KIF13A: variants seen among roughly 807,000 people sequenced by gnomAD.
The protein encoded by KIF13A is kinesin family member 13A.
Under a neutral mutation model 212.2 loss-of-function variants are expected in KIF13A, and 79 were observed. The ratio of observed to expected loss-of-function variants is 0.37; its 90% CI spans 0.31 to 0.45. The LOEUF (loss-of-function observed/expected upper bound fraction) is 0.45. KIF13A is among the 20% of genes least tolerant of loss of function. The pLI is 1.00. For synonymous variants in KIF13A, 789 were observed against 808.6 expected (o/e 0.98, Z 0.41); for missense variants, 1,901 against 2,209.0 (o/e 0.86, Z 2.79).
chr6:17,889,763 C>T (rs1194388757), intron 3 of KIF13A, among the ~76,000 whole-genome samples: 2 of 152,134 alleles, frequency 1.3e-5, no homozygotes, highest in African/African-American at 2.4e-5. Context: ...ATCAGGAGGC[C>T]TAGACTGGAG....
intron 3 of KIF13A, chr6:17,881,512 T>C (rs1447923364): frequency 2.3e-6 from 1 of 429,450 alleles, no homozygotes; most frequent in African/African-American, 2.1e-5. Context: ...CTGGCCAACA[T>C]ATGGTGAAAC....
At chr6:17,980,667 TAAAG>T (rs1400243742) in intron 2 of KIF13A, among the ~76,000 whole-genome samples, 1 of 150,728 alleles carries the variant, frequency 6.6e-6, no homozygotes, top group African/African-American at 2.4e-5. Context: ...AAAAGCAAAA[TAAAG>T]AAAAATGAGG....
intron 17 of KIF13A, among the ~76,000 whole-genome samples, chr6:17,814,573 A>ATTC (rs1763756201): frequency 4.1e-5 from 1 of 24,518 alleles, no homozygotes; most frequent in African/African-American, 1.0e-4. Flanking sequence ...AGTACTATTA[A>ATTC]TTATTATAAC....
At chr6:17,781,750 C>T (rs370474595) in intron 29 of KIF13A, among the ~76,000 whole-genome samples, 1 of 151,632 alleles carries the variant, frequency 6.6e-6, no homozygotes, top group South Asian at 2.1e-4. Context: ...CCTCAGCCTC[C>T]TGAGTAGCTA....
chr6:17,906,412 TCCCCTTC>T (rs1421208402), intron 2 of KIF13A, among the ~76,000 whole-genome samples: 2 of 143,282 alleles, frequency 1.4e-5, no homozygotes, highest in Non-Finnish European at 3.1e-5. Flanking sequence ...CCTTTCCCTT[TCCCCTTC>T]CCCCTTCCCT....
At chr6:17,881,883 C>A in intron 3 of KIF13A, 1 of 388,156 alleles carries the variant, frequency 2.6e-6, no homozygotes, top group Admixed American at 3.0e-5. Context: ...GTTATTCCAG[C>A]TACTCGGGAG....
In KIF13A at chr6:17,788,276, C is replaced by T. The variant is rs181792702; in HGVS notation, c.3262-401G>A. Among the ~76,000 whole-genome samples, 12 of 152,264 alleles carry T rather than the reference C, an allele frequency of 7.9e-5. No homozygotes were observed. The East Asian group carries it at 2.1e-3, about 27-fold the overall frequency. On this transcript the variant is annotated intron_variant, in intron 26 of 38. Transcript: ENST00000259711. ...TAACAACAAATGGAATGGAAAATGA[C>T]AGGCATTTTCATAGCTCCATAGTTC...
chr6:17,908,510 G>A (rs900915201), intron 2 of KIF13A, among the ~76,000 whole-genome samples: 6 of 152,082 alleles, frequency 3.9e-5, no homozygotes, highest in Non-Finnish European at 7.4e-5. Flanking sequence ...AGGCTGAGGT[G>A]GGAGGATCGC....
In KIF13A at chr6:17,799,900, G is replaced by C. The variant is rs41267716; in HGVS notation, c.2616+52C>G. 2.7e-5 allele frequency: 43 copies of C among 1,564,142 alleles called. No homozygotes were observed. The highest frequency in any genetic ancestry group is 1.7e-4 in the Middle Eastern group (1 of 5,822). ...CTCTCATAAGATTTTTTGTAAAATG[G>C]TTTTGCATGAAAAAGGTCATTTATA... On this transcript the variant is annotated intron_variant, in intron 21 of 38. Coordinates refer to ENST00000259711, the MANE Select transcript of KIF13A (RefSeq NM_022113.6). The surrounding 1 kb of genome is among the most constrained non-coding windows in gnomAD (Gnocchi z 4.4).
At chr6:17,976,820 G>C (rs954776918) in intron 2 of KIF13A, among the ~76,000 whole-genome samples, 1 of 141,194 alleles carries the variant, frequency 7.1e-6, no homozygotes, top group African/African-American at 2.7e-5. Flanking sequence ...AAAAAAAAAA[G>C]AGGCTGGGTG....
chr6:17,948,638 C>T (rs1404456854), intron 2 of KIF13A, among the ~76,000 whole-genome samples: 1 of 142,620 alleles, frequency 7.0e-6, no homozygotes, highest in African/African-American at 2.6e-5. Flanking sequence ...TCTCGGCTCA[C>T]TGGGACCTCT....
intron 2 of KIF13A, among the ~76,000 whole-genome samples, chr6:17,983,883 A>T (rs1445329934): frequency 6.6e-6 from 1 of 152,132 alleles, no homozygotes; most frequent in Non-Finnish European, 1.5e-5. Context: ...TTTCACTTTC[A>T]TTGGCAAAGG....
intron 2 of KIF13A, among the ~76,000 whole-genome samples, chr6:17,970,556 A>G (rs749284664): frequency 2.6e-5 from 4 of 152,206 alleles, no homozygotes; most frequent in African/African-American, 9.6e-5. Flanking sequence ...GCCTGCTTCA[A>G]TTACCAGGTA....
chr6:17,966,572 G>C (rs1581888378), intron 2 of KIF13A, among the ~76,000 whole-genome samples: 1 of 150,810 alleles, frequency 6.6e-6, no homozygotes, highest in Non-Finnish European at 1.5e-5. Flanking sequence ...AGAAAGGAGG[G>C]GTGAATAAAT....
At chr6:17,796,623 G>A in intron 23 of KIF13A, 46 bp downstream of exon 23, 1 of 1,305,780 alleles carries the variant, frequency 7.7e-7, no homozygotes, top group Non-Finnish European at 1.0e-6. Flanking sequence ...CTCTGCTCAA[G>A]TCCTAGTCTT....
At chr6:17,929,604 G>C (rs1775816218) in intron 2 of KIF13A, among the ~76,000 whole-genome samples, 1 of 152,148 alleles carries the variant, frequency 6.6e-6, no homozygotes, top group Non-Finnish European at 1.5e-5. Context: ...GTTTCACCGT[G>C]TTAGCCAGCA....
chr6:17,775,703 T>C (rs1439688424), intron 34 of KIF13A, among the ~76,000 whole-genome samples: 1 of 152,182 alleles, frequency 6.6e-6, no homozygotes, highest in Non-Finnish European at 1.5e-5. Flanking sequence ...TTCCATTTTA[T>C]TTAAGCTTTT....
chr6:17,918,013 T>G lies in KIF13A; in HGVS notation c.147-19833A>C, dbSNP rs1213603090. On this transcript the variant is annotated intron_variant, in intron 2 of 38. Transcript: ENST00000259711. The surrounding 1 kb of genome is among the most constrained non-coding windows in gnomAD (Gnocchi z 4.8). Reference sequence around the variant, plus strand: ...GAGGCATTCCCTGACCTTCCTGTCCTGGAATTCTGTTTCCTCGTGGCACCT... The same window carrying G: ...GAGGCATTCCCTGACCTTCCTGTCCGGGAATTCTGTTTCCTCGTGGCACCT... Among the ~76,000 whole-genome samples, 2 of 152,062 alleles carry G rather than the reference T, an allele frequency of 1.3e-5. No homozygotes were observed. Among genetic ancestry groups the G allele is most frequent in the African/African-American group, 4.8e-5 (2 of 41,410 alleles).
At chr6:17,863,738 T>C (rs1769079219) in intron 4 of KIF13A, among the ~76,000 whole-genome samples, 1 of 152,166 alleles carries the variant, frequency 6.6e-6, no homozygotes, top group African/African-American at 2.4e-5. Flanking sequence ...TCAAGAACCC[T>C]CATATGGTCT....
Sources: allele counts gnomAD v4.1 joint callset (sites outside exome capture counted in the v4.1 genomes callset), GRCh38; gene constraint gnomAD v4.1.1; non-coding constraint Gnocchi (gnomAD v3.1); transcripts MANE v1.5; gene names NCBI Gene and HGNC (gene_info 2026-07-23, HGNC 2026-07-21).